ARID1B: variants seen among roughly 807,000 people sequenced by gnomAD.
ARID1B encodes AT-rich interactive domain-containing protein 1B.
A neutral mutation model predicts 212.3 loss-of-function variants in ARID1B; 30 were observed. The ratio of observed to expected loss-of-function variants is 0.14; its 90% CI spans 0.11 to 0.19. The LOEUF (loss-of-function observed/expected upper bound fraction) is 0.19. ARID1B is among the 10% of genes least tolerant of loss of function. The pLI is 1.00. For missense variants in ARID1B, 2,891 were observed against 3,204.0 expected (o/e 0.90, Z 2.36); for synonymous variants, 1,402 against 1,301.7 (o/e 1.08, Z -1.66).
chr6:156,808,485 G>A (rs750259841), intron 1 of ARID1B, among the ~76,000 whole-genome samples: 6 of 152,154 alleles, frequency 3.9e-5, no homozygotes, highest in Admixed American at 1.3e-4. Flanking sequence ...TACATTGACC[G>A]TGAACCAGAG....
At chr6:156,983,966 A>G (rs191120209) in intron 4 of ARID1B, among the ~76,000 whole-genome samples, 112 of 152,236 alleles carry the variant, frequency 7.4e-4, no homozygotes, top group Non-Finnish European at 1.3e-3. Context: ...CCATCTACAT[A>G]TATTGTTAGC....
chr6:156,969,889 ATGC>A (rs1776801639), intron 4 of ARID1B, among the ~76,000 whole-genome samples: 2 of 118,510 alleles, frequency 1.7e-5, no homozygotes, highest in Non-Finnish European at 1.7e-5. Flanking sequence ...TTATTATATA[ATGC>A]TTTTTTTTTT....
chr6:156,811,459 C>G (rs1053039403), intron 1 of ARID1B, among the ~76,000 whole-genome samples: 7 of 152,166 alleles, frequency 4.6e-5, no homozygotes, highest in African/African-American at 1.4e-4. Context: ...TGACAAAATG[C>G]CAGACAGAAT....
Position 156,906,600 on chromosome 6 carries a change from CG to C in ARID1B, c.2136+5079del, listed in dbSNP as rs369037671. ...AGCACCAGCCACTTAGAAAAAGAAGCGGGGATGTTTGTCATTTTTGTCATCA... is the reference window on the plus strand; with the variant it reads ...AGCACCAGCCACTTAGAAAAAGAAGCGGGATGTTTGTCATTTTTGTCATCA... On this transcript the variant is annotated intron_variant, in intron 3 of 19. Coordinates refer to ENST00000636930, the MANE Select transcript of ARID1B (RefSeq NM_001374828.1). 2.7e-3 allele frequency among the ~76,000 whole-genome samples: 349 copies of C among 130,294 alleles called. 2 individuals are homozygous for C. The highest frequency in any genetic ancestry group is 9.0e-3 in the African/African-American group (319 of 35,562). 85.5% of individuals were successfully genotyped at this position (130,294 alleles called of 152,430 possible).
intron 9 of ARID1B, 31 bp downstream of exon 9, chr6:157,167,216 C>T: frequency 6.3e-7 from 1 of 1,591,738 alleles, no homozygotes; most frequent in South Asian, 1.1e-5. Context: ...CTCCTGAGCC[C>T]CTCTCTCTCC....
At chr6:157,039,642 C>CTTCTTTCT (rs879854593) in intron 4 of ARID1B, among the ~76,000 whole-genome samples, 1 of 122,574 alleles carries the variant, frequency 8.2e-6, no homozygotes, top group Non-Finnish European at 1.7e-5. Flanking sequence ...TCCTTCCTTC[C>CTTCTTTCT]TTCTTTCCTT....
Position 156,777,940 on chromosome 6 carries a change from ACGCGGGCGC to A in ARID1B, c.266_274del (p.Gly89_Ala91del). 1.2e-5 allele frequency: 18 copies of A among 1,526,870 alleles called. No individual in the cohort carries two copies. The highest frequency in any genetic ancestry group is 1.6e-5 in the Non-Finnish European group (18 of 1,143,756). The allele number at this position is 1,526,870 out of a possible 1,614,324, so 94.6% of individuals were successfully genotyped here. A position where few individuals can be genotyped will look rare whatever the true frequency, so the allele number is the denominator to read the frequency against. ...CGTCACGAACTCAACATGGCCCATAACGCGGGCGCCGCGGCCGCCGCCGGCACCCACAGC... is the reference window on the plus strand; with the variant it reads ...CGTCACGAACTCAACATGGCCCATAACGCGGCCGCCGCCGGCACCCACAGC... On this transcript the variant is annotated inframe_deletion, in exon 1 of 20. Coordinates refer to ENST00000636930, the MANE Select transcript of ARID1B (RefSeq NM_001374828.1).
chr6:157,128,012 C>G (rs1788260046), intron 6 of ARID1B, among the ~76,000 whole-genome samples: 1 of 151,580 alleles, frequency 6.6e-6, no homozygotes, highest in South Asian at 2.1e-4. Flanking sequence ...TGTGAGCCAG[C>G]CCTTTTATGC....
intron 4 of ARID1B, among the ~76,000 whole-genome samples, chr6:156,998,454 A>C (rs970426946): frequency 6.6e-6 from 1 of 151,982 alleles, no homozygotes; most frequent in Non-Finnish European, 1.5e-5. Context: ...GGATCTCCTG[A>C]CCTCGTGATC....
At chr6:156,927,656 C>T (rs946946483) in intron 3 of ARID1B, among the ~76,000 whole-genome samples, 1 of 152,172 alleles carries the variant, frequency 6.6e-6, no homozygotes, top group Non-Finnish European at 1.5e-5. Flanking sequence ...AGCACATTTA[C>T]CAGGCAGAGT....
chr6:157,044,422 T>C (rs1583206989), intron 4 of ARID1B, among the ~76,000 whole-genome samples: 1 of 152,208 alleles, frequency 6.6e-6, no homozygotes, highest in East Asian at 1.9e-4. Context: ...AAAAACAAAA[T>C]GATGCAGTCG....
At chr6:156,879,158 G>A (rs749115827) in intron 2 of ARID1B, among the ~76,000 whole-genome samples, 4 of 152,180 alleles carry the variant, frequency 2.6e-5, no homozygotes, top group East Asian at 1.9e-4. Context: ...CCACGCACTC[G>A]GAGCCTCTTC....
intron 2 of ARID1B, among the ~76,000 whole-genome samples, chr6:156,872,513 G>T (rs1219883669): frequency 6.6e-6 from 1 of 152,038 alleles, no homozygotes; most frequent in East Asian, 1.9e-4. Context: ...TAGAGATGGG[G>T]TTTCGTCATG....
At chr6:156,947,047 A>T (rs186096269) in intron 4 of ARID1B, among the ~76,000 whole-genome samples, 1 of 152,242 alleles carries the variant, frequency 6.6e-6, no homozygotes, top group African/African-American at 2.4e-5. Context: ...GTATTGTAGC[A>T]GACTGTGTAT....
rs771719032 is a variant in ARID1B at position 157,201,705 on chromosome 6, G to T, written c.5263+217G>T. ...AGATTGGCCGGGCGCGGTGGCTCAT[G>T]CCTGTAATACCAGCACTTTGGGAGG... is the stretch of plus-strand genomic sequence containing the variant. On this transcript the variant is annotated intron_variant, in intron 18 of 19. Transcript: ENST00000636930. This position sits in a 1 kb window ranked among gnomAD's most constrained non-coding sequence, Gnocchi z 5.2. Among the ~76,000 whole-genome samples the T allele has an allele frequency of 6.6e-6, 1 of 152,194 alleles. No homozygotes were observed. The highest frequency in any genetic ancestry group is 1.5e-5 in the Non-Finnish European group (1 of 68,034).
chr6:156,902,768 A>G (rs532506702), intron 3 of ARID1B, among the ~76,000 whole-genome samples: 1 of 149,746 alleles, frequency 6.7e-6, no homozygotes, highest in Admixed American at 6.6e-5. Flanking sequence ...AAAAAGTAAC[A>G]TCTGTGGGGT....
chr6:157,069,274 T>A (rs1397943244), intron 4 of ARID1B, among the ~76,000 whole-genome samples: 1 of 152,230 alleles, frequency 6.6e-6, no homozygotes, highest in Non-Finnish European at 1.5e-5. Context: ...ATGTCCTGCA[T>A]GTGTCAGGTA....
At chr6:156,987,082 G>A (rs948699070) in intron 4 of ARID1B, among the ~76,000 whole-genome samples, 18 of 151,858 alleles carry the variant, frequency 1.2e-4, no homozygotes, top group African/African-American at 4.4e-4. Flanking sequence ...GGAGGCTGAG[G>A]TGGGAGGATG....
At chr6:156,887,262 T>C (rs1787589227) in intron 2 of ARID1B, among the ~76,000 whole-genome samples, 1 of 152,192 alleles carries the variant, frequency 6.6e-6, no homozygotes, top group Non-Finnish European at 1.5e-5. Flanking sequence ...GTACCAATGC[T>C]GGCTCTTCCC....
Sources: gnomAD v4.1 joint callset for allele counts (sites outside exome capture counted in the v4.1 genomes callset) on GRCh38, gnomAD v4.1.1 for gene constraint, Gnocchi (gnomAD v3.1) non-coding constraint, MANE v1.5 for transcripts, NCBI Gene and HGNC (gene_info 2026-07-23, HGNC 2026-07-21) for gene names.